GALNTL6: variants seen among roughly 807,000 people sequenced by gnomAD.
The protein encoded by GALNTL6 is polypeptide N-acetylgalactosaminyltransferase-like 6.
Under a neutral mutation model 73.7 loss-of-function variants are expected in GALNTL6, and 46 were observed. That is an observed-to-expected ratio of 0.62 (90% confidence interval 0.49 to 0.80). The LOEUF (loss-of-function observed/expected upper bound fraction) is 0.80, where lower values mean the gene tolerates loss of function less well. Among genes scored for constraint, GALNTL6 ranks in the 30% least tolerant of loss-of-function variants. GALNTL6 has a pLI of 0.00. For synonymous variants in GALNTL6, 259 were observed against 263.7 expected, an observed-to-expected ratio of 0.98 and a Z score of 0.17; for missense variants, 604 against 755.0, an observed-to-expected ratio of 0.80 and a Z score of 2.34.
At chr4:172,609,623 CTCTGTGTG>C (rs1235539004) in intron 5 of GALNTL6, among the ~76,000 whole-genome samples, 41 of 92,618 alleles carry the variant, frequency 4.4e-4, no homozygotes, top group East Asian at 2.5e-3. Flanking sequence ...CTCTCTCTCT[CTCTGTGTG>C]TGTGTGTGTG....
At chr4:172,141,446 C>T (rs980152226) in intron 2 of GALNTL6, among the ~76,000 whole-genome samples, 7 of 151,862 alleles carry the variant, frequency 4.6e-5, no homozygotes, top group Admixed American at 2.6e-4. Context: ...CAAATTCAGA[C>T]AAAAGTTTAG....
At position 172,996,850 on chromosome 4, in the gene GALNTL6, A is replaced by AG. The variant is rs1554009643; in HGVS notation, c.1372-12328_1372-12327insG. On this transcript the variant is annotated intron_variant, in intron 10 of 12. Coordinates refer to ENST00000506823, the MANE Select transcript of GALNTL6 (RefSeq NM_001034845.3). ...TTCTAACTTTTCCTTTCAGAAATGG[A>AG]TTTTTTTAAGTCCAGGTTTAAAATC... Among the ~76,000 whole-genome samples the AG allele has an allele frequency of 6.6e-5, 10 of 152,082 alleles. No individual in the cohort carries two copies. The South Asian group carries it at 1.9e-3, about 28-fold the overall frequency.
intron 2 of GALNTL6, among the ~76,000 whole-genome samples, chr4:172,028,575 G>T (rs1386711639): frequency 2.0e-5 from 3 of 151,950 alleles, no homozygotes; most frequent in Admixed American, 1.3e-4. Context: ...TGGAAATTTT[G>T]TTATGAAATT....
At chr4:171,990,832 TG>T (rs1201534568) in intron 2 of GALNTL6, among the ~76,000 whole-genome samples, 1 of 152,244 alleles carries the variant, frequency 6.6e-6, no homozygotes, top group Non-Finnish European at 1.5e-5. Flanking sequence ...ACTGGAAATT[TG>T]AAAGCAAATA....
intron 3 of GALNTL6, among the ~76,000 whole-genome samples, chr4:172,306,081 T>A (rs1740127178): frequency 6.6e-6 from 1 of 152,150 alleles, no homozygotes; most frequent in African/African-American, 2.4e-5. Flanking sequence ...ACTTAGGGCA[T>A]ATGAATTTGA....
At chr4:172,456,650 GA>G (rs1732410129) in intron 5 of GALNTL6, among the ~76,000 whole-genome samples, 2 of 151,744 alleles carry the variant, frequency 1.3e-5, no homozygotes, top group South Asian at 4.2e-4. Flanking sequence ...CAAGATTAGA[GA>G]AAAAATAATG....
chr4:172,850,679 GA>G (rs1743766979), intron 7 of GALNTL6, among the ~76,000 whole-genome samples: 1 of 152,078 alleles, frequency 6.6e-6, no homozygotes, highest in Non-Finnish European at 1.5e-5. Flanking sequence ...TCCCACTTCA[GA>G]CACCAATCAC....
rs994172974 is a variant in GALNTL6 at position 172,884,411 on chromosome 4, A to G, written c.1041+1504A>G. On this transcript the variant is annotated intron_variant, in intron 8 of 12. Coordinates refer to ENST00000506823, the MANE Select transcript of GALNTL6 (RefSeq NM_001034845.3). ...TTTCATATACCTGTTGGCCATTTGT[A>G]TGTCTTCTTTTGAGAAATGTCTATT... Among the ~76,000 whole-genome samples, 4 of 152,252 alleles carry G rather than the reference A, an allele frequency of 2.6e-5. No individual in the cohort carries two copies. In the South Asian group the frequency reaches 8.3e-4, roughly 32 times the overall value.
intron 2 of GALNTL6, chr4:171,816,436 T>TAGAAGAAA (rs1734526601): frequency 6.6e-6 from 1 of 152,024 alleles, no homozygotes; most frequent in Non-Finnish European, 1.5e-5. Context: ...TTCTGGTTCT[T>TAGAAGAAA]CTGTAGTGCA....
chr4:172,740,684 T>C (rs1436468217), intron 5 of GALNTL6, among the ~76,000 whole-genome samples: 1 of 152,076 alleles, frequency 6.6e-6, no homozygotes, highest in Non-Finnish European at 1.5e-5. Flanking sequence ...CTACATGGTG[T>C]GTGGGATTTT....
intron 10 of GALNTL6, among the ~76,000 whole-genome samples, chr4:172,973,569 C>A (rs1259511733): frequency 1.3e-5 from 2 of 152,108 alleles, no homozygotes; most frequent in Non-Finnish European, 2.9e-5. Context: ...CTGTTTAAAT[C>A]ATAAATATTA....
chr4:172,079,057 A>G (rs1441094655), intron 2 of GALNTL6, among the ~76,000 whole-genome samples: 4 of 152,138 alleles, frequency 2.6e-5, no homozygotes, highest in African/African-American at 9.7e-5. Flanking sequence ...ATAGCCATAC[A>G]TACTCAAATA....
At chr4:172,094,324 ATT>A (rs908253088) in intron 2 of GALNTL6, among the ~76,000 whole-genome samples, 2 of 152,170 alleles carry the variant, frequency 1.3e-5, no homozygotes, top group African/African-American at 4.8e-5. Context: ...CACTGAAAAG[ATT>A]TTTTTAAATA....
chr4:172,163,713 A>G (rs1734538903), intron 2 of GALNTL6, among the ~76,000 whole-genome samples: 1 of 152,038 alleles, frequency 6.6e-6, no homozygotes, highest in East Asian at 1.9e-4. Flanking sequence ...TTCCAGGTTA[A>G]CAAGCATCTG....
chr4:172,518,050 A>G (rs1054836511), intron 5 of GALNTL6, among the ~76,000 whole-genome samples: 6 of 151,968 alleles, frequency 3.9e-5, no homozygotes, highest in Non-Finnish European at 8.8e-5. Context: ...ATTCTGCCCC[A>G]GTATGCTCAC....
At chr4:171,837,812 C>T (rs1735136364) in intron 2 of GALNTL6, among the ~76,000 whole-genome samples, 1 of 150,434 alleles carries the variant, frequency 6.6e-6, no homozygotes, top group Admixed American at 6.6e-5. Context: ...TTATGCAGCA[C>T]ATTTCCCATC....
intron 2 of GALNTL6, among the ~76,000 whole-genome samples, chr4:171,877,257 C>A (rs1429808285): frequency 6.6e-6 from 1 of 152,188 alleles, no homozygotes; most frequent in Non-Finnish European, 1.5e-5. Flanking sequence ...TTACCCCTTT[C>A]TCTGAGATTC....
intron 2 of GALNTL6, among the ~76,000 whole-genome samples, chr4:172,126,369 G>A (rs938487072): frequency 2.6e-5 from 4 of 152,132 alleles, no homozygotes; most frequent in African/African-American, 9.7e-5. Flanking sequence ...GCTGACTACA[G>A]GCATCCGGTA....
At chr4:171,922,096 T>TG in intron 2 of GALNTL6, among the ~76,000 whole-genome samples, 1 of 151,846 alleles carries the variant, frequency 6.6e-6, no homozygotes, top group African/African-American at 2.4e-5. Context: ...GTGTGTGGTG[T>TG]GTGTGTTTGT....
Sources: allele counts gnomAD v4.1 joint callset (sites outside exome capture counted in the v4.1 genomes callset), GRCh38; gene constraint gnomAD v4.1.1; transcripts MANE v1.5; gene names NCBI Gene and HGNC (gene_info 2026-07-23, HGNC 2026-07-21).